The following PGGT1B variants were observed in gnomAD, a reference collection of about 807,000 sequenced individuals.
PGGT1B encodes geranylgeranyl transferase type-1 subunit beta.
A neutral mutation model predicts 46.1 loss-of-function variants in PGGT1B; 30 were observed. That is an observed-to-expected ratio of 0.65 (90% CI 0.49 to 0.88). The LOEUF is 0.88. Among genes scored for constraint, PGGT1B ranks in the 40% least tolerant of loss-of-function variants. The probability of loss-of-function intolerance (pLI) is 0.00; values close to 1 mark genes in which losing one functional copy is unlikely to be tolerated. For synonymous variants in PGGT1B, 170 were observed against 160.0 expected (o/e 1.06, Z -0.47); for missense variants, 376 against 455.9 (o/e 0.82, Z 1.60).
rs748267417 is a variant in PGGT1B at position 115,237,890 on chromosome 5, C to G, written c.447G>C (p.Ala149=). Residue 149 remains alanine, a synonymous_variant, in exon 4 of 9, where the codon GCG becomes GCC. Coordinates refer to ENST00000419445, the MANE Select transcript of PGGT1B (RefSeq NM_005023.4). ...CTTCCAGCTGAAGGGCTCTCAAGCCCGCTAAGCAAGCTTCTTTATTTACTC... is the reference window on the plus strand; with the variant it reads ...CTTCCAGCTGAAGGGCTCTCAAGCCGGCTAAGCAAGCTTCTTTATTTACTC... ...LSRVNKEACL[A]GLRALQLEDG... The G allele has an allele frequency of 1.2e-6, 2 of 1,611,444 alleles. No individual in the cohort carries two copies. Among genetic ancestry groups the G allele is most frequent in the African/African-American group, 2.7e-5 (2 of 74,784 alleles).
intron 8 of PGGT1B, among the ~76,000 whole-genome samples, chr5:115,215,077 C>A (rs1756372015): frequency 6.6e-6 from 1 of 152,154 alleles, no homozygotes; most frequent in African/African-American, 2.4e-5. Context: ...TGGCTCACTG[C>A]AACCTCCACC....
At chr5:115,215,471 G>A (rs2126988098) in intron 8 of PGGT1B, among the ~76,000 whole-genome samples, 1 of 151,942 alleles carries the variant, frequency 6.6e-6, no homozygotes, top group East Asian at 1.9e-4. Context: ...GCTAATTATT[G>A]TATTTTTAGT....
intron 7 of PGGT1B, among the ~76,000 whole-genome samples, chr5:115,219,683 C>G (rs1039502667): frequency 7.2e-5 from 11 of 151,812 alleles, no homozygotes; most frequent in African/African-American, 2.7e-4. Flanking sequence ...AAAATATTTG[C>G]AAATCATATA....
At chr5:115,214,883 A>G (rs538078218) in intron 8 of PGGT1B, among the ~76,000 whole-genome samples, 1 of 152,356 alleles carries the variant, frequency 6.6e-6, no homozygotes, top group South Asian at 2.1e-4. Flanking sequence ...GTTTTGAGGC[A>G]CTAGAGATAT....
rs146881763 is a variant in PGGT1B at position 115,221,872 on chromosome 5, A to G, written c.795T>C (p.Asn265=). 4.4e-6 allele frequency: 7 copies of G among 1,609,046 alleles called. No individual in the cohort carries two copies. The highest frequency in any genetic ancestry group is 5.1e-6 in the Non-Finnish European group (6 of 1,177,978). Residue 265 remains asparagine, a synonymous_variant, in exon 7 of 9, where the codon AAT becomes AAC. Coordinates refer to ENST00000419445, the MANE Select transcript of PGGT1B (RefSeq NM_005023.4). ...RQQNGYHGRP[N]KPVDTCYSFW... ...AAGAATAACAGGTGTCTACAGGCTTATTAGGTCTTCCATGATAACCATTTT... is the reference window on the plus strand; with the variant it reads ...AAGAATAACAGGTGTCTACAGGCTTGTTAGGTCTTCCATGATAACCATTTT...
chr5:115,244,332 G>T (rs1483151025), intron 2 of PGGT1B, among the ~76,000 whole-genome samples: 1 of 151,394 alleles, frequency 6.6e-6, no homozygotes, highest in Non-Finnish European at 1.5e-5. Context: ...GGGCGCGGTG[G>T]CGGGCGCCTG....
At chr5:115,214,567 T>C (rs575547142) in intron 8 of PGGT1B, among the ~76,000 whole-genome samples, 1 of 152,332 alleles carries the variant, frequency 6.6e-6, no homozygotes, top group South Asian at 2.1e-4. Context: ...TCTTTACACA[T>C]AAATTCAATT....
chr5:115,258,106 A>G (rs140509495), intron 1 of PGGT1B, among the ~76,000 whole-genome samples: 192 of 152,340 alleles, frequency 1.3e-3, no homozygotes, highest in African/African-American at 4.3e-3. Flanking sequence ...TACTTTTTCA[A>G]TAAGAAACAT....
intron 6 of PGGT1B, among the ~76,000 whole-genome samples, chr5:115,228,665 G>T (rs1756872562): frequency 6.6e-6 from 1 of 152,076 alleles, no homozygotes; most frequent in Admixed American, 6.6e-5. Context: ...TGAGATTTAG[G>T]AAGAACTATT....
chr5:115,236,394 C>A lies in PGGT1B; in HGVS notation c.608G>T (p.Ser203Ile). The change falls in exon 5 of 9, where the codon AGT (serine) becomes ATT (isoleucine). Residue 203 changes from serine (S) to isoleucine (I), a missense_variant. Ser to Ile is a moderately radical substitution (Grantham distance 142, BLOSUM62 -2). Transcript: ENST00000419445. ...AATTTTATCAACAGAACTCACCATA[C>A]TCCTTCTAATATAGGTGATGGCTTT... ...MKKAITYIRR[S>I]MSYDNGLAQG... 3 of 1,592,136 alleles carry A rather than the reference C, an allele frequency of 1.9e-6. No homozygotes were observed. Among genetic ancestry groups the A allele is most frequent in the Non-Finnish European group, 1.7e-6 (2 of 1,171,914 alleles).
In PGGT1B at chr5:115,262,265, T is replaced by C. The variant is rs151074916; in HGVS notation, c.140+447A>G. Among the ~76,000 whole-genome samples, 165 of 152,260 alleles carry C rather than the reference T, an allele frequency of 1.1e-3. 3 individuals are homozygous for C. The East Asian group carries it at 0.028, about 26-fold the overall frequency. On this transcript the variant is annotated intron_variant, in intron 1 of 8. Coordinates refer to ENST00000419445, the MANE Select transcript of PGGT1B (RefSeq NM_005023.4). ...AGTTCCCACAAAGTTTCTAAGACCT[T>C]AGAGGTTCTCTGCCGCTCCTACACA...
At position 115,206,926 on chromosome 5, in the gene PGGT1B, T is replaced by G. The variant is rs968539107; in HGVS notation, c.*5476A>C. 5.9e-5 allele frequency: 9 copies of G among 151,810 alleles called. No individual in the cohort carries two copies. The highest frequency in any genetic ancestry group is 1.9e-4 in the African/African-American group (8 of 41,374). The allele number at this position is 151,810 out of a possible 1,614,324, so 9.4% of individuals were successfully genotyped here. A position where few individuals can be genotyped will look rare whatever the true frequency, so the allele number is the denominator to read the frequency against. On this transcript the variant is annotated 3_prime_UTR_variant, in exon 9 of 9. Coordinates refer to ENST00000419445, the MANE Select transcript of PGGT1B (RefSeq NM_005023.4). ...TCTCAAATAACAATATAATTTTTATTGGAATGGCACTGAATTTATAAATGA... is the reference window on the plus strand; with the variant it reads ...TCTCAAATAACAATATAATTTTTATGGGAATGGCACTGAATTTATAAATGA...
At chr5:115,235,775 ATTC>A (rs988046361) in intron 5 of PGGT1B, among the ~76,000 whole-genome samples, 9 of 152,136 alleles carry the variant, frequency 5.9e-5, no homozygotes, top group Non-Finnish European at 1.2e-4. Flanking sequence ...ATGCAACTCC[ATTC>A]TTCTTAGGAA....
At chr5:115,259,125 C>T (rs560981635) in intron 1 of PGGT1B, among the ~76,000 whole-genome samples, 1 of 152,236 alleles carries the variant, frequency 6.6e-6, no homozygotes, top group African/African-American at 2.4e-5. Context: ...AACAAGATCC[C>T]CAAGTGATTC....
chr5:115,236,639 T>C, intron 4 of PGGT1B, 117 bp from the exon 5 acceptor site: 1 of 548,302 alleles, frequency 1.8e-6, no homozygotes, highest in South Asian at 3.4e-5. Flanking sequence ...TTGATTATTC[T>C]ACTTTTATTA....
chr5:115,232,221 G>C (rs1319524122), intron 5 of PGGT1B, among the ~76,000 whole-genome samples: 1 of 151,990 alleles, frequency 6.6e-6, no homozygotes, highest in East Asian at 1.9e-4. Context: ...TGAGACTCTA[G>C]GTATACCACC....
chr5:115,241,414 T>A, intron 3 of PGGT1B, 125 bp downstream of exon 3: 1 of 475,286 alleles, frequency 2.1e-6, no homozygotes. Context: ...ATATATATTA[T>A]TAGACAACAT....
rs1257221688 is a variant in PGGT1B, at chr5:115,204,114, A to ATT, written c.*8286_*8287dup. ...GTAGGAGTAAAGATCACATTGTTGA[A>ATT]TTATAAAGAGCTTACTGTTAAGAAT... On this transcript the variant is annotated 3_prime_UTR_variant, in exon 9 of 9. Transcript: ENST00000419445. The ATT allele has an allele frequency of 6.6e-6, 1 of 152,180 alleles. No homozygotes were observed. The highest frequency in any genetic ancestry group is 1.5e-5 in the Non-Finnish European group (1 of 68,032). The allele number at this position is 152,180 out of a possible 1,614,324, so 9.4% of individuals were successfully genotyped here.
chr5:115,247,674 C>CT (rs1367598959), intron 2 of PGGT1B, among the ~76,000 whole-genome samples: 1 of 151,800 alleles, frequency 6.6e-6, no homozygotes, highest in African/African-American at 2.4e-5. Context: ...CATTCAATAG[C>CT]TAAAAAAAAA....
Sources: gnomAD v4.1 joint callset for allele counts (sites outside exome capture counted in the v4.1 genomes callset) on GRCh38, gnomAD v4.1.1 for gene constraint, MANE v1.5 for transcripts, NCBI Gene and HGNC (gene_info 2026-07-23, HGNC 2026-07-21) for gene names.